TCF4: variants seen among roughly 807,000 people sequenced by gnomAD.
TCF4 encodes the protein SL3-3 enhancer factor 2.
A neutral mutation model predicts 82.1 loss-of-function variants in TCF4; 3 were observed. The ratio of observed to expected loss-of-function variants is 0.04; its 90% CI spans 0.02 to 0.09. The LOEUF is 0.09. TCF4 is among the 10% of genes least tolerant of loss of function. The pLI is 1.00. For missense variants in TCF4, 518 were observed against 852.7 expected, an observed-to-expected ratio of 0.61 and a Z score of 4.89; for synonymous variants, 276 against 309.6, an observed-to-expected ratio of 0.89 and a Z score of 1.14.
chr18:55,547,512 G>A (rs1490791851), intron 3 of TCF4, among the ~76,000 whole-genome samples: 2 of 152,158 alleles, frequency 1.3e-5, no homozygotes, highest in East Asian at 3.9e-4. Context: ...ACTATGACTG[G>A]TGTCTATTTA....
intron 6 of TCF4, among the ~76,000 whole-genome samples, chr18:55,392,572 A>G (rs1213475551): frequency 6.6e-6 from 1 of 151,764 alleles, no homozygotes; most frequent in Non-Finnish European, 1.5e-5. Flanking sequence ...GAAATCATCT[A>G]CTTTCTGACT....
At chr18:55,420,948 A>T (rs2042924449) in intron 5 of TCF4, among the ~76,000 whole-genome samples, 1 of 152,064 alleles carries the variant, frequency 6.6e-6, no homozygotes, top group East Asian at 1.9e-4. Context: ...TTCTGCACTT[A>T]GTTGTACTGT....
At chr18:55,474,327 A>G (rs975645423) in intron 3 of TCF4, among the ~76,000 whole-genome samples, 1 of 152,234 alleles carries the variant, frequency 6.6e-6, no homozygotes, top group East Asian at 1.9e-4. Flanking sequence ...AAGTTTTAGT[A>G]AAGCATTTAA....
At chr18:55,626,888 A>G (rs764793025) in intron 2 of TCF4, among the ~76,000 whole-genome samples, 1 of 152,224 alleles carries the variant, frequency 6.6e-6, no homozygotes, top group Non-Finnish European at 1.5e-5. Context: ...TGGGAGAAGC[A>G]CAAATTGTGT....
At chr18:55,519,747 T>A (rs1199165070) in intron 3 of TCF4, among the ~76,000 whole-genome samples, 1 of 152,130 alleles carries the variant, frequency 6.6e-6, no homozygotes, top group Non-Finnish European at 1.5e-5. Context: ...TATGTGTAAC[T>A]TCATCTATGG....
At chr18:55,253,954 T>C (rs1380589716) in intron 15 of TCF4, among the ~76,000 whole-genome samples, 2 of 152,216 alleles carry the variant, frequency 1.3e-5, no homozygotes, top group African/African-American at 4.8e-5. Context: ...CATGAATATT[T>C]ATAGAAGCAT....
rs777788964 is a variant in TCF4 at position 55,351,034 on chromosome 18, T to A, written c.370-31A>T. 3.7e-6 allele frequency: 6 copies of A among 1,612,488 alleles called. No individual in the cohort carries two copies. In the South Asian group the frequency reaches 6.6e-5, roughly 18 times the overall value. On this transcript the variant is annotated intron_variant, in intron 6 of 19. Transcript: ENST00000354452. ...AGGTTAAAAAGGGAAAACAAACATATAAGGTTAATTTTTTACTTTCACCAC... is the reference window on the plus strand; with the variant it reads ...AGGTTAAAAAGGGAAAACAAACATAAAAGGTTAATTTTTTACTTTCACCAC...
At chr18:55,572,095 G>GT (rs1366154199) in intron 3 of TCF4, among the ~76,000 whole-genome samples, 2 of 152,180 alleles carry the variant, frequency 1.3e-5, no homozygotes, top group African/African-American at 2.4e-5. Flanking sequence ...GCTTTCAGGA[G>GT]TTTTTTGCTT....
At chr18:55,462,051 G>A (rs1033539367) in intron 4 of TCF4, among the ~76,000 whole-genome samples, 7 of 152,130 alleles carry the variant, frequency 4.6e-5, no homozygotes, top group East Asian at 1.9e-4. Context: ...CAGAGGTATC[G>A]GTTGCATGTG....
chr18:55,611,730 T>C (rs982246092), intron 2 of TCF4, among the ~76,000 whole-genome samples: 9 of 152,252 alleles, frequency 5.9e-5, no homozygotes, highest in Non-Finnish European at 1.2e-4. Context: ...ATGCGAAATA[T>C]TATAATTTCA....
intron 3 of TCF4, among the ~76,000 whole-genome samples, chr18:55,552,700 A>G (rs1178421527): frequency 2.0e-5 from 3 of 152,252 alleles, no homozygotes; most frequent in Non-Finnish European, 2.9e-5. Flanking sequence ...CTGCAGTTCA[A>G]TTGACGTGTT....
intron 6 of TCF4, among the ~76,000 whole-genome samples, chr18:55,382,772 G>C (rs1391961416): frequency 6.6e-6 from 1 of 152,190 alleles, no homozygotes; most frequent in Non-Finnish European, 1.5e-5. Context: ...TTCCCTTCAA[G>C]TACAAAGAAT....
chr18:55,505,495 TAAGAA>T (rs1321727958), intron 3 of TCF4, among the ~76,000 whole-genome samples: 3 of 152,030 alleles, frequency 2.0e-5, no homozygotes, highest in African/African-American at 7.2e-5. Flanking sequence ...ACTGTACAGA[TAAGAA>T]AACTGAGAAA....
At chr18:55,455,462 T>C (rs1250302479) in intron 5 of TCF4, among the ~76,000 whole-genome samples, 1 of 150,774 alleles carries the variant, frequency 6.6e-6, no homozygotes, top group Non-Finnish European at 1.5e-5. Context: ...AAATTACTTG[T>C]GCCACATTAT....
intron 3 of TCF4, chr18:55,479,126 A>G (rs955273965): frequency 3.9e-5 from 6 of 152,234 alleles, no homozygotes; most frequent in Admixed American, 2.0e-4. Flanking sequence ...TCTAGTTAAC[A>G]AATCAGTTCC....
At position 55,227,941 on chromosome 18, in the gene TCF4, G is replaced by C. The variant is rs141586028; in HGVS notation, c.*94C>G. 1.6e-4 allele frequency: 63 copies of C among 383,522 alleles called. No homozygotes were observed. In the East Asian group the frequency reaches 3.4e-3, roughly 21 times the overall value. 23.8% of individuals were successfully genotyped at this position (383,522 alleles called of 1,614,324 possible). A position where few individuals can be genotyped will look rare whatever the true frequency, so the allele number is the denominator to read the frequency against. On this transcript the variant is annotated 3_prime_UTR_variant, in exon 20 of 20. Coordinates refer to ENST00000354452, the MANE Select transcript of TCF4 (RefSeq NM_001083962.2). ...CTTGTCTTATATTACAAAAATGGGG[G>C]TTAAGGAGAAGTGTTTATGTGGGTT...
At chr18:55,493,131 G>A (rs879941774) in intron 3 of TCF4, among the ~76,000 whole-genome samples, 7 of 152,196 alleles carry the variant, frequency 4.6e-5, no homozygotes, top group South Asian at 2.1e-4. Context: ...TTTTCAAGAC[G>A]ACAGGACAGT....
At chr18:55,392,565 A>G (rs2093219565) in intron 6 of TCF4, among the ~76,000 whole-genome samples, 3 of 151,998 alleles carry the variant, frequency 2.0e-5, no homozygotes, top group Admixed American at 6.5e-5. Context: ...ATCCTATGAA[A>G]TCATCTACTT....
chr18:55,514,134 A>G (rs1050972544), intron 3 of TCF4, among the ~76,000 whole-genome samples: 8 of 152,074 alleles, frequency 5.3e-5, no homozygotes, highest in African/African-American at 1.9e-4. Context: ...TTTCTCTCCT[A>G]TCTTCCATCT....
Sources: allele counts gnomAD v4.1 joint callset (sites outside exome capture counted in the v4.1 genomes callset), GRCh38; gene constraint gnomAD v4.1.1; transcripts MANE v1.5; gene names NCBI Gene and HGNC (gene_info 2026-07-23, HGNC 2026-07-21).